UMAD1: variants seen among roughly 807,000 people sequenced by gnomAD.
UMAD1 encodes UBAP1-MVB12-associated (UMA) domain containing 1.
A neutral mutation model predicts 6.1 loss-of-function variants in UMAD1; 8 were observed. That is an observed-to-expected ratio of 1.30 (90% CI 0.76 to 2.35). The LOEUF (loss-of-function observed/expected upper bound fraction) is 2.35, where lower values mean the gene tolerates loss of function less well. Among genes scored for constraint, UMAD1 ranks in the 30% most tolerant of loss-of-function variants. The probability of loss-of-function intolerance (pLI) is 0.00; values close to 1 mark genes in which losing one functional copy is unlikely to be tolerated. For synonymous variants in UMAD1, 56 were observed against 31.4 expected (o/e 1.78, Z -2.61); for missense variants, 130 against 78.4 (o/e 1.66, Z -2.49).
At chr7:7,867,233 G>A (rs1408727111) in intron 3 of UMAD1, among the ~76,000 whole-genome samples, 1 of 152,162 alleles carries the variant, frequency 6.6e-6, no homozygotes, top group African/African-American at 2.4e-5. Context: ...TATAATAGGA[G>A]TTGAACATAT....
At chr7:7,663,771 T>G (rs1785535410) in intron 1 of UMAD1, among the ~76,000 whole-genome samples, 1 of 152,162 alleles carries the variant, frequency 6.6e-6, no homozygotes, top group Non-Finnish European at 1.5e-5. Context: ...CCCGGGGCAA[T>G]AACGAATGCA....
chr7:7,693,245 T>A (rs990914085), intron 2 of UMAD1, among the ~76,000 whole-genome samples: 1 of 152,176 alleles, frequency 6.6e-6, no homozygotes, highest in African/African-American at 2.4e-5. Flanking sequence ...CAGTATACAA[T>A]TCACCAAACA....
intron 3 of UMAD1, among the ~76,000 whole-genome samples, chr7:7,847,104 AAT>A (rs1170307529): frequency 3.5e-3 from 23 of 6,616 alleles, no homozygotes; most frequent in Non-Finnish European, 4.4e-3. Flanking sequence ...AAAAAAAAAA[AAT>A]ATATATATAT....
intron 2 of UMAD1, among the ~76,000 whole-genome samples, chr7:7,700,095 A>G (rs549078622): frequency 2.0e-5 from 3 of 152,186 alleles, no homozygotes; most frequent in Admixed American, 1.3e-4. Flanking sequence ...ACAAAGTGTC[A>G]TAGATTGGTG....
chr7:7,755,402 G>A (rs1781758888), intron 2 of UMAD1, among the ~76,000 whole-genome samples: 1 of 152,166 alleles, frequency 6.6e-6, no homozygotes, highest in South Asian at 2.1e-4. Context: ...AAGAGGAAAT[G>A]GTGTTATGGC....
Position 7,860,801 on chromosome 7 carries a change from T to A in UMAD1, c.157-16480T>A, listed in dbSNP as rs13310189. On this transcript the variant is annotated intron_variant, in intron 3 of 3. Transcript: ENST00000682710. ...AAAAAAAAAAAAATAACAAAAAAAA[T>A]AATAATAATAATAATTGTCCTACAT... 3.8e-3 allele frequency among the ~76,000 whole-genome samples: 167 copies of A among 43,686 alleles called. 1 individual carries two copies. Among genetic ancestry groups the A allele is most frequent in the South Asian group, 0.023 (51 of 2,220 alleles). 28.7% of individuals were successfully genotyped at this position (43,686 alleles called of 152,430 possible). A position where few individuals can be genotyped will look rare whatever the true frequency, so the allele number is the denominator to read the frequency against.
chr7:7,829,006 T>A (rs894351105), intron 3 of UMAD1, among the ~76,000 whole-genome samples: 2 of 152,190 alleles, frequency 1.3e-5, no homozygotes, highest in African/African-American at 4.8e-5. Flanking sequence ...TTATAAGGGA[T>A]AACATGTCTA....
rs149575821 is a variant in UMAD1, at chr7:7,813,090, A to G, written c.156+11347A>G. 3.5e-3 allele frequency among the ~76,000 whole-genome samples: 540 copies of G among 152,316 alleles called. 6 individuals carry two copies. The highest frequency in any genetic ancestry group is 0.012 in the African/African-American group (515 of 41,568). On this transcript the variant is annotated intron_variant, in intron 3 of 3. Transcript: ENST00000682710. ...GGAGTCTTCTTATGAACATGCCTAC[A>G]TGAGTGCACCAGCATGAATACATAG...
intron 3 of UMAD1, among the ~76,000 whole-genome samples, chr7:7,846,924 T>A (rs2080046): frequency 5.2e-5 from 4 of 76,674 alleles, no homozygotes; most frequent in Admixed American, 1.3e-4. Flanking sequence ...GGGGAGGGGG[T>A]AGGGATAGCA....
In UMAD1 at chr7:7,714,558, T is replaced by A. The variant is rs562773820; in HGVS notation, c.82+41105T>A. Among the ~76,000 whole-genome samples the A allele has an allele frequency of 3.9e-5, 6 of 152,332 alleles. No individual in the cohort carries two copies. The South Asian group carries it at 1.2e-3, about 32-fold the overall frequency. On this transcript the variant is annotated intron_variant, in intron 2 of 3. Transcript: ENST00000682710. ...TCAATTTAGGTGTGGGTGAGATGAC[T>A]TAGGATCTAGGAATCAGTGGTAGAT...
intron 1 of UMAD1, among the ~76,000 whole-genome samples, chr7:7,645,659 G>A (rs1002708292): frequency 2.0e-5 from 3 of 152,090 alleles, no homozygotes; most frequent in Non-Finnish European, 2.9e-5. Flanking sequence ...AATTGTTACG[G>A]AATTTGATCA....
At chr7:7,744,952 A>G (rs1781543274) in intron 2 of UMAD1, among the ~76,000 whole-genome samples, 1 of 152,176 alleles carries the variant, frequency 6.6e-6, no homozygotes, top group African/African-American at 2.4e-5. Context: ...ATCTGTGTAT[A>G]AGTTTTGACT....
intron 2 of UMAD1, among the ~76,000 whole-genome samples, chr7:7,787,049 C>CGT (rs1782474391): frequency 6.6e-6 from 1 of 152,126 alleles, no homozygotes; most frequent in Non-Finnish European, 1.5e-5. Context: ...CAATAAGGCA[C>CGT]GTGTCCAGTT....
intron 2 of UMAD1, among the ~76,000 whole-genome samples, chr7:7,756,651 T>C (rs1052165405): frequency 6.6e-6 from 1 of 152,218 alleles, no homozygotes; most frequent in African/African-American, 2.4e-5. Flanking sequence ...ACTAGATGTC[T>C]CTTGTTAAAA....
At chr7:7,649,186 A>G (rs753699958) in intron 1 of UMAD1, among the ~76,000 whole-genome samples, 3 of 151,640 alleles carry the variant, frequency 2.0e-5, no homozygotes, top group African/African-American at 2.4e-5. Flanking sequence ...AAAAGAAAAG[A>G]AAAGAATAAA....
At chr7:7,647,386 G>A (rs7794467) in intron 1 of UMAD1, among the ~76,000 whole-genome samples, 2 of 152,066 alleles carry the variant, frequency 1.3e-5, no homozygotes, top group Non-Finnish European at 2.9e-5. Context: ...AATTATGTGA[G>A]GCTTGCTTTA....
At chr7:7,845,846 C>T (rs965835914) in intron 3 of UMAD1, among the ~76,000 whole-genome samples, 1 of 152,048 alleles carries the variant, frequency 6.6e-6, no homozygotes, top group South Asian at 2.1e-4. Context: ...TATTGGGTAT[C>T]TTCCAATAAC....
intron 3 of UMAD1, among the ~76,000 whole-genome samples, chr7:7,848,557 A>C (rs1163692983): frequency 6.6e-6 from 1 of 152,170 alleles, no homozygotes; most frequent in Non-Finnish European, 1.5e-5. Flanking sequence ...ACAATAGAGG[A>C]TATGCCAAAT....
At chr7:7,652,510 TTGCATGGTTAA>T (rs1165397582) in intron 1 of UMAD1, among the ~76,000 whole-genome samples, 6 of 152,362 alleles carry the variant, frequency 3.9e-5, no homozygotes, top group South Asian at 2.1e-4. Context: ...GAGTAACATT[TTGCATGGTTAA>T]TGCATGGTTG....
Sources: allele counts gnomAD v4.1 joint callset (sites outside exome capture counted in the v4.1 genomes callset), GRCh38; gene constraint gnomAD v4.1.1; transcripts MANE v1.5; gene names NCBI Gene and HGNC (gene_info 2026-07-23, HGNC 2026-07-21).